LPXN: variants seen among roughly 807,000 people sequenced by gnomAD.
LPXN encodes the protein leupaxin.
Under a neutral mutation model 45.6 loss-of-function variants are expected in LPXN, and 28 were observed. The observed-to-expected ratio is 0.61, with a 90% CI of 0.45 to 0.84. The LOEUF (loss-of-function observed/expected upper bound fraction) is 0.84, where lower values mean the gene tolerates loss of function less well. Ranked by LOEUF, LPXN falls within the 40% of genes least tolerant of loss-of-function variation. The probability of loss-of-function intolerance (pLI) is 0.00; values close to 1 mark genes in which losing one functional copy is unlikely to be tolerated. For synonymous variants in LPXN, 166 were observed against 169.9 expected, an observed-to-expected ratio of 0.98 and a Z score of 0.18; for missense variants, 459 against 475.0, an observed-to-expected ratio of 0.97 and a Z score of 0.31.
chr11:58,533,268 C>T (rs2515355), intron 7 of LPXN, among the ~76,000 whole-genome samples: 1 of 152,132 alleles, frequency 6.6e-6, no homozygotes, highest in East Asian at 1.9e-4. Flanking sequence ...TTAAGTGCAG[C>T]CAAAGAGAAA....
intron 3 of LPXN, among the ~76,000 whole-genome samples, chr11:58,559,693 T>C (rs572931070): frequency 1.3e-5 from 2 of 151,944 alleles, no homozygotes; most frequent in Non-Finnish European, 2.9e-5. Flanking sequence ...CTGGGAAACA[T>C]AGGGAGACTC....
intron 7 of LPXN, among the ~76,000 whole-genome samples, chr11:58,543,705 T>A (rs980979735): frequency 7.9e-5 from 12 of 152,138 alleles, no homozygotes; most frequent in Admixed American, 2.0e-4. Context: ...CTTAAATGCA[T>A]CCTGACTTTG....
At chr11:58,531,981 C>T (rs889863241) in intron 7 of LPXN, among the ~76,000 whole-genome samples, 6 of 152,198 alleles carry the variant, frequency 3.9e-5, no homozygotes, top group African/African-American at 1.2e-4. Flanking sequence ...GGGCTGCATG[C>T]GGTGCTCGTG....
chr11:58,555,208 T>C (rs2120352334), intron 3 of LPXN, among the ~76,000 whole-genome samples: 1 of 152,270 alleles, frequency 6.6e-6, no homozygotes, highest in South Asian at 2.1e-4. Context: ...AAAATAAAAA[T>C]AAACTAGAAT....
intron 2 of LPXN, among the ~76,000 whole-genome samples, chr11:58,566,418 C>T (rs1177962101): frequency 6.6e-6 from 1 of 151,976 alleles, no homozygotes; most frequent in Non-Finnish European, 1.5e-5. Context: ...CACTTTTGCT[C>T]AATAATTTCT....
chr11:58,576,648 AT>A (rs1393155591), upstream of LPXN, among the ~76,000 whole-genome samples: 3 of 152,178 alleles, frequency 2.0e-5, no homozygotes, highest in Admixed American at 6.5e-5. Context: ...TGTGAAATAG[AT>A]TTTTTCCCCC....
intron 7 of LPXN, among the ~76,000 whole-genome samples, chr11:58,530,954 C>T (rs988553066): frequency 6.6e-6 from 1 of 152,186 alleles, no homozygotes; most frequent in Admixed American, 6.5e-5. Context: ...GGACTTGTAG[C>T]AGAGGAGCCT....
intron 7 of LPXN, among the ~76,000 whole-genome samples, chr11:58,530,264 AC>A (rs1853348323): frequency 6.6e-6 from 1 of 152,110 alleles, no homozygotes; most frequent in African/African-American, 2.4e-5. Flanking sequence ...GGTAGGTCCC[AC>A]CCCCATGGAG....
chr11:58,551,496 A>G (rs1854050667), intron 4 of LPXN, among the ~76,000 whole-genome samples: 1 of 152,254 alleles, frequency 6.6e-6, no homozygotes. Flanking sequence ...TAGTACATGA[A>G]GATGATACCC....
At chr11:58,547,320 C>A (rs887212311) in intron 7 of LPXN, among the ~76,000 whole-genome samples, 1 of 152,100 alleles carries the variant, frequency 6.6e-6, no homozygotes, top group Non-Finnish European at 1.5e-5. Flanking sequence ...AGAATCTTTA[C>A]AAAACAAATC....
At chr11:58,574,139 GGA>G (rs1411867077) in intron 1 of LPXN, among the ~76,000 whole-genome samples, 2 of 152,334 alleles carry the variant, frequency 1.3e-5, no homozygotes, top group African/African-American at 4.8e-5. Flanking sequence ...AACAGCCTGT[GGA>G]GACGTAGCCA....
chr11:58,547,206 T>C (rs1248061944), intron 7 of LPXN, among the ~76,000 whole-genome samples: 2 of 152,154 alleles, frequency 1.3e-5, no homozygotes, highest in Non-Finnish European at 2.9e-5. Flanking sequence ...GAGTAAGTTA[T>C]CCATGGTCCT....
chr11:58,562,341 C>T (rs551704724), intron 3 of LPXN, among the ~76,000 whole-genome samples: 1 of 152,220 alleles, frequency 6.6e-6, no homozygotes, highest in African/African-American at 2.4e-5. Flanking sequence ...AAACAGAATG[C>T]AGGAATCTAG....
chr11:58,556,010 T>C (rs1044302645), intron 3 of LPXN, among the ~76,000 whole-genome samples: 3 of 152,066 alleles, frequency 2.0e-5, no homozygotes, highest in Non-Finnish European at 4.4e-5. Context: ...GGGATCATTG[T>C]ATAAAATTCC....
intron 3 of LPXN, among the ~76,000 whole-genome samples, chr11:58,556,219 A>T (rs2120352863): frequency 6.6e-6 from 1 of 152,228 alleles, no homozygotes; most frequent in Non-Finnish European, 1.5e-5. Flanking sequence ...TTATCCAAAA[A>T]TAGTTTGAAA....
At position 58,554,840 on chromosome 11, in the gene LPXN, C is replaced by T; in HGVS notation, c.318+1G>A. On this transcript the variant is annotated splice_donor_variant, in intron 4 of 8. Transcript: ENST00000395074. LOFTEE classifies it high-confidence loss of function. ...CTGCACTCACCTTGGCCTGCACTCACCTTGGCCTGCATCTCAGTCAGGTGA... is the reference window on the plus strand; with the variant it reads ...CTGCACTCACCTTGGCCTGCACTCATCTTGGCCTGCATCTCAGTCAGGTGA... 1 of 1,609,934 alleles carries T rather than the reference C, an allele frequency of 6.2e-7. No homozygotes were observed. The highest frequency in any genetic ancestry group is 8.5e-7 in the Non-Finnish European group (1 of 1,176,814).
At position 58,527,127 on chromosome 11, in the gene LPXN, C is replaced by A; in HGVS notation, c.*327G>T. On this transcript the variant is annotated 3_prime_UTR_variant, in exon 9 of 9. Transcript: ENST00000395074. ...ATCACTAGAGGTGAAAATGGAGAAA[C>A]CTAAGAAAACCAGTGTTGGCATGAA... The A allele has an allele frequency of 4.4e-6, 1 of 229,270 alleles. No individual in the cohort carries two copies. Among genetic ancestry groups the A allele is most frequent in the Non-Finnish European group, 8.8e-6 (1 of 114,016 alleles). 14.2% of individuals were successfully genotyped at this position (229,270 alleles called of 1,614,324 possible).
In LPXN at chr11:58,547,999, T is replaced by C. The variant is rs534934610; in HGVS notation, c.742+1787A>G. On this transcript the variant is annotated intron_variant, in intron 7 of 8. Coordinates refer to ENST00000395074, the MANE Select transcript of LPXN (RefSeq NM_004811.3). ...ATTCAGAAAACACATGAAACAAACATACAAAGGGGGAAGAATGGGTCATGT... is the reference window on the plus strand; with the variant it reads ...ATTCAGAAAACACATGAAACAAACACACAAAGGGGGAAGAATGGGTCATGT... 5.9e-5 allele frequency among the ~76,000 whole-genome samples: 9 copies of C among 151,314 alleles called. 1 individual carries two copies. The South Asian group carries it at 1.7e-3, about 28-fold the overall frequency.
At chr11:58,573,614 C>T (rs936374859) in intron 1 of LPXN, among the ~76,000 whole-genome samples, 1 of 152,148 alleles carries the variant, frequency 6.6e-6, no homozygotes, top group African/African-American at 2.4e-5. Flanking sequence ...CTTCCTGTTT[C>T]ATATGAGTGT....
Sources: gnomAD v4.1 joint callset for allele counts (sites outside exome capture counted in the v4.1 genomes callset) on GRCh38, gnomAD v4.1.1 for gene constraint, MANE v1.5 for transcripts, NCBI Gene and HGNC (gene_info 2026-07-23, HGNC 2026-07-21) for gene names.